PIBF1: variants seen among roughly 807,000 people sequenced by gnomAD.
PIBF1 encodes progesterone immunomodulatory binding factor 1.
A neutral mutation model predicts 112.5 loss-of-function variants in PIBF1; 90 were observed. The ratio of observed to expected loss-of-function variants is 0.80; its 90% CI spans 0.67 to 0.95. The LOEUF is 0.95. Among genes scored for constraint, PIBF1 ranks in the 40% least tolerant of loss-of-function variants. The probability of loss-of-function intolerance (pLI) is 0.00; values close to 1 mark genes in which losing one functional copy is unlikely to be tolerated. For missense variants in PIBF1, 915 were observed against 852.3 expected, an observed-to-expected ratio of 1.07 and a Z score of -0.92; for synonymous variants, 301 against 288.6, an observed-to-expected ratio of 1.04 and a Z score of -0.44.
intron 6 of PIBF1, among the ~76,000 whole-genome samples, 198 bp from the exon 7 acceptor site, chr13:72,826,812 T>C (rs902582901): frequency 1.3e-5 from 2 of 152,208 alleles, no homozygotes; most frequent in Non-Finnish European, 2.9e-5. Context: ...TAAATTGATA[T>C]GTATGTATTT....
chr13:72,977,700 T>C (rs1244349595), intron 16 of PIBF1, among the ~76,000 whole-genome samples: 1 of 152,256 alleles, frequency 6.6e-6, no homozygotes, highest in Non-Finnish European at 1.5e-5. Flanking sequence ...TTATTTTCTA[T>C]ATTAGTGTTA....
At position 72,784,808 on chromosome 13, in the gene PIBF1, G is replaced by A. The variant is rs116554487; in HGVS notation, c.252+1087G>A. Among the ~76,000 whole-genome samples, 1,260 of 152,164 alleles carry A rather than the reference G, an allele frequency of 8.3e-3. 15 individuals carry two copies. Among genetic ancestry groups the A allele is most frequent in the African/African-American group, 0.028 (1,183 of 41,510 alleles). ...TATTGAAATATGGAGTGATTTAAAC[G>A]TAGATATGGATAAATTACTTTTGTA... On this transcript the variant is annotated intron_variant, in intron 2 of 17. Coordinates refer to ENST00000326291, the MANE Select transcript of PIBF1 (RefSeq NM_006346.4).
chr13:72,923,661 T>C (rs895547060), intron 13 of PIBF1, among the ~76,000 whole-genome samples: 2 of 152,218 alleles, frequency 1.3e-5, no homozygotes, highest in Admixed American at 6.5e-5. Context: ...TTTATAGTTA[T>C]TCTTCTTGAA....
chr13:72,800,525 T>C (rs1370722164), intron 5 of PIBF1, among the ~76,000 whole-genome samples: 6 of 152,224 alleles, frequency 3.9e-5, no homozygotes, highest in Non-Finnish European at 7.3e-5. Context: ...ACAGTCTGTC[T>C]CCTATCTTAA....
chr13:72,821,118 A>C (rs1448184928), intron 5 of PIBF1, among the ~76,000 whole-genome samples: 2 of 152,162 alleles, frequency 1.3e-5, no homozygotes, highest in Non-Finnish European at 2.9e-5. Flanking sequence ...GGTTAGAAGC[A>C]GCATTAGTGG....
At chr13:72,988,547 T>TA (rs2043377475) in intron 16 of PIBF1, among the ~76,000 whole-genome samples, 1 of 152,206 alleles carries the variant, frequency 6.6e-6, no homozygotes, top group African/African-American at 2.4e-5. Context: ...AGTAACTTTT[T>TA]AAAAATAATA....
chr13:73,015,077 C>T (rs948115483), intron 17 of PIBF1, among the ~76,000 whole-genome samples: 12 of 152,194 alleles, frequency 7.9e-5, no homozygotes, highest in Non-Finnish European at 1.3e-4. Context: ...TGGGCCACCG[C>T]GCCCATCGTC....
At position 72,795,564 on chromosome 13, in the gene PIBF1, A is replaced by G; in HGVS notation, c.552+7A>G. The G allele has an allele frequency of 6.9e-7, 1 of 1,439,694 alleles. No homozygotes were observed. Among genetic ancestry groups the G allele is most frequent in the Non-Finnish European group, 9.6e-7 (1 of 1,040,654 alleles). The allele number at this position is 1,439,694 out of a possible 1,614,324, so 89.2% of individuals were successfully genotyped here. The stretch of plus-strand genomic sequence containing the variant: ...TATTCCTGAATATGTATCTGTAAGT[A>G]TCTTATATCTATTTTTAACTATGAC... On this transcript the variant is annotated splice_region_variant and intron_variant, in intron 4 of 17. Transcript: ENST00000326291.
At chr13:72,818,002 A>G (rs1199369187) in intron 5 of PIBF1, among the ~76,000 whole-genome samples, 2 of 152,144 alleles carry the variant, frequency 1.3e-5, no homozygotes, top group Non-Finnish European at 2.9e-5. Context: ...CTTATACTGC[A>G]CTTAGACTTG....
intron 10 of PIBF1, among the ~76,000 whole-genome samples, chr13:72,860,568 C>T (rs765405778): frequency 1.3e-5 from 2 of 152,120 alleles, no homozygotes; most frequent in East Asian, 3.9e-4. Flanking sequence ...AATCTTTATG[C>T]GGAATGTGAT....
At chr13:72,979,690 G>A (rs1038051789) in intron 16 of PIBF1, among the ~76,000 whole-genome samples, 1 of 152,122 alleles carries the variant, frequency 6.6e-6, no homozygotes, top group African/African-American at 2.4e-5. Context: ...TTCGGAGGCC[G>A]AGGCGGGCAG....
At chr13:72,803,868 T>C (rs1404926052) in intron 5 of PIBF1, among the ~76,000 whole-genome samples, 1 of 152,188 alleles carries the variant, frequency 6.6e-6, no homozygotes, top group Non-Finnish European at 1.5e-5. Flanking sequence ...AGAACCATTG[T>C]CTCTAGACTT....
At chr13:72,972,003 C>CATTT (rs67353309) in intron 15 of PIBF1, among the ~76,000 whole-genome samples, 21,686 of 138,610 alleles carry the variant, frequency 0.16, 1,838 homozygotes, top group Middle Eastern at 0.23. Context: ...TAGTGGCTTT[C>CATTT]ATTTATTTAT....
intron 5 of PIBF1, among the ~76,000 whole-genome samples, chr13:72,819,181 G>A (rs757526641): frequency 6.6e-6 from 1 of 152,092 alleles, no homozygotes; most frequent in Non-Finnish European, 1.5e-5. Context: ...TGAAGCCGTA[G>A]GGTAAGATTA....
chr13:72,987,858 A>ATTTATTTATTTTTTTTTTTTTTTT (rs1345167411), intron 16 of PIBF1, among the ~76,000 whole-genome samples: 3 of 58,114 alleles, frequency 5.2e-5, no homozygotes, highest in Non-Finnish European at 8.4e-5. Flanking sequence ...TTATTTATTT[A>ATTTATTTATTTTTTTTTTTTTTTT]TTTTTTTTTT....
At chr13:72,978,450 A>G (rs2043077670) in intron 16 of PIBF1, among the ~76,000 whole-genome samples, 1 of 152,220 alleles carries the variant, frequency 6.6e-6, no homozygotes. Context: ...CTTTTTCCTT[A>G]GTCTCATTTA....
intron 10 of PIBF1, among the ~76,000 whole-genome samples, chr13:72,882,631 C>T (rs898844127): frequency 6.6e-6 from 1 of 152,110 alleles, no homozygotes; most frequent in African/African-American, 2.4e-5. Context: ...GGCAAAAGAT[C>T]TGAATAGACA....
intron 16 of PIBF1, among the ~76,000 whole-genome samples, chr13:72,989,470 C>G (rs754413539): frequency 1.3e-5 from 2 of 152,054 alleles, no homozygotes; most frequent in Non-Finnish European, 2.9e-5. Flanking sequence ...GTGAAAGAAG[C>G]CAGTCACAAA....
At chr13:72,798,524 CTG>C (rs900922889) in intron 5 of PIBF1, among the ~76,000 whole-genome samples, 1 of 152,178 alleles carries the variant, frequency 6.6e-6, no homozygotes, top group African/African-American at 2.4e-5. Flanking sequence ...TTGCCTAAGA[CTG>C]TTGCCATTAT....
Sources: gnomAD v4.1 joint callset for allele counts (sites outside exome capture counted in the v4.1 genomes callset) on GRCh38, gnomAD v4.1.1 for gene constraint, MANE v1.5 for transcripts, NCBI Gene and HGNC (gene_info 2026-07-23, HGNC 2026-07-21) for gene names.